CCDC175: variants seen among roughly 807,000 people sequenced by gnomAD.
CCDC175 encodes the protein coiled-coil domain containing 175.
Under a neutral mutation model 114.6 loss-of-function variants are expected in CCDC175, and 100 were observed. The ratio of observed to expected loss-of-function variants is 0.87; its 90% CI spans 0.74 to 1.03. The LOEUF (loss-of-function observed/expected upper bound fraction) is 1.03, where lower values mean the gene tolerates loss of function less well. Among genes scored for constraint, CCDC175 ranks in the 50% least tolerant of loss-of-function variants. The probability of loss-of-function intolerance (pLI) is 0.00; values close to 1 mark genes in which losing one functional copy is unlikely to be tolerated. For missense variants in CCDC175, 880 were observed against 917.8 expected, an observed-to-expected ratio of 0.96 and a Z score of 0.53; for synonymous variants, 306 against 308.7, an observed-to-expected ratio of 0.99 and a Z score of 0.09.
intron 17 of CCDC175, among the ~76,000 whole-genome samples, chr14:59,515,311 T>C (rs1243300836): frequency 6.6e-6 from 1 of 152,160 alleles, no homozygotes; most frequent in Non-Finnish European, 1.5e-5. Flanking sequence ...AATTCACACA[T>C]AACAATATTA....
intron 19 of CCDC175, among the ~76,000 whole-genome samples, chr14:59,506,467 T>TA (rs1661266425): frequency 6.6e-6 from 1 of 151,996 alleles, no homozygotes; most frequent in Non-Finnish European, 1.5e-5. Flanking sequence ...TTTGTATTTG[T>TA]AGTAGAAATG....
intron 16 of CCDC175, 43 bp from the exon 17 acceptor site, chr14:59,521,719 C>T (rs1893438313): frequency 2.7e-6 from 3 of 1,093,350 alleles, no homozygotes; most frequent in Non-Finnish European, 4.0e-6. Flanking sequence ...AGTTTAGTTA[C>T]TATAGATAAA....
chr14:59,561,370 T>C (rs867648821), intron 6 of CCDC175, 142 bp from the exon 7 acceptor site: 56 of 464,928 alleles, frequency 1.2e-4, no homozygotes, highest in African/African-American at 1.0e-3. Flanking sequence ...GCAATCATTA[T>C]AATTGTTTCT....
intron 18 of CCDC175, among the ~76,000 whole-genome samples, chr14:59,511,388 G>A (rs545755490): frequency 2.4e-4 from 36 of 152,144 alleles, no homozygotes; most frequent in Non-Finnish European, 3.5e-4. Flanking sequence ...ATGTTGCACT[G>A]GTAAAACATG....
At chr14:59,564,902 T>C in intron 5 of CCDC175, 145 bp downstream of exon 5, 1 of 632,230 alleles carries the variant, frequency 1.6e-6, no homozygotes, top group Non-Finnish European at 2.7e-6. Flanking sequence ...TCCTTGAGTC[T>C]CCCGCTCATC....
chr14:59,538,878 CA>C lies in CCDC175; in HGVS notation c.1356-39del, dbSNP rs760231643. 4.2e-5 allele frequency: 63 copies of C among 1,497,424 alleles called. No individual in the cohort carries two copies. In the African/African-American group the frequency reaches 8.7e-4, roughly 21 times the overall value. 92.8% of individuals were successfully genotyped at this position (1,497,424 alleles called of 1,614,324 possible). Reference sequence around the variant, plus strand: ...GCAAAAAGAATTGCCATTAAATTGACATAGCAGTTTACTAAAAAGATGAAGA... The same window carrying C: ...GCAAAAAGAATTGCCATTAAATTGACTAGCAGTTTACTAAAAAGATGAAGA... On this transcript the variant is annotated intron_variant, in intron 11 of 19. Coordinates refer to ENST00000537690, the MANE Select transcript of CCDC175 (RefSeq NM_001164399.2).
At chr14:59,530,073 T>C (rs1228431925) in intron 14 of CCDC175, among the ~76,000 whole-genome samples, 1 of 152,002 alleles carries the variant, frequency 6.6e-6, no homozygotes, top group African/African-American at 2.4e-5. Flanking sequence ...GCTGGGAAAG[T>C]AGAAAATTGG....
At chr14:59,548,872 C>A (rs1267477853) in intron 8 of CCDC175, among the ~76,000 whole-genome samples, 2 of 152,078 alleles carry the variant, frequency 1.3e-5, no homozygotes, top group East Asian at 3.9e-4. Flanking sequence ...CCTTTGATAT[C>A]CCTGATGAGC....
At chr14:59,510,551 C>A (rs1326644360) in intron 19 of CCDC175, 95 bp downstream of exon 19, 14 of 1,252,796 alleles carry the variant, frequency 1.1e-5, no homozygotes, top group Non-Finnish European at 1.5e-5. Flanking sequence ...AACTAAGTCA[C>A]TTAGTTGACA....
At chr14:59,528,576 A>G (rs1244822147) in intron 14 of CCDC175, among the ~76,000 whole-genome samples, 2 of 152,066 alleles carry the variant, frequency 1.3e-5, no homozygotes, top group Admixed American at 6.6e-5. Flanking sequence ...CACAACCTCT[A>G]CATTTCATCC....
intron 8 of CCDC175, chr14:59,551,042 A>T (rs1267215002): frequency 5.5e-6 from 1 of 181,610 alleles, no homozygotes; most frequent in Admixed American, 6.2e-5. Flanking sequence ...CAACAGCAAG[A>T]AGATTCTAAC....
intron 6 of CCDC175, 46 bp downstream of exon 6, chr14:59,563,691 G>A: frequency 8.5e-7 from 1 of 1,182,554 alleles, no homozygotes; most frequent in Non-Finnish European, 1.1e-6. Context: ...TTTTATTGAG[G>A]TGCCTAGATA....
intron 1 of CCDC175, among the ~76,000 whole-genome samples, chr14:59,576,349 T>C (rs1048224397): frequency 6.6e-6 from 1 of 152,206 alleles, no homozygotes; most frequent in African/African-American, 2.4e-5. Flanking sequence ...GGGCAGTGGC[T>C]TGGGAGTCCC....
intron 17 of CCDC175, among the ~76,000 whole-genome samples, chr14:59,512,621 C>T (rs1892817157): frequency 6.6e-6 from 1 of 152,072 alleles, no homozygotes; most frequent in African/African-American, 2.4e-5. Flanking sequence ...AATCATTAAG[C>T]CTAAGGGTAG....
chr14:59,543,955 A>G (rs12882301), intron 9 of CCDC175, among the ~76,000 whole-genome samples: 149,084 of 152,318 alleles, frequency 0.98, 73,041 homozygotes, highest in East Asian at 1. Flanking sequence ...ATGTTCTTCC[A>G]TGGAAGGTGA....
At position 59,525,411 on chromosome 14, in the gene CCDC175, T is replaced by C; in HGVS notation, c.1866A>G (p.Gln622=). Residue 622 remains glutamine (Q), a synonymous_variant, in exon 16 of 20, where the codon CAA becomes CAG. Coordinates refer to ENST00000537690, the MANE Select transcript of CCDC175 (RefSeq NM_001164399.2). ...SNMEDVKQEL[Q]QLRDQESKKN... ...TTTTGCTTTCTTGATCTCGTAATTG[T>C]TGTAATTCTTGTTTTACATCTTCCT... The C allele has an allele frequency of 6.6e-7, 1 of 1,513,844 alleles. No homozygotes were observed. Among genetic ancestry groups the C allele is most frequent in the Non-Finnish European group, 8.8e-7 (1 of 1,140,818 alleles). The allele number at this position is 1,513,844 out of a possible 1,614,324, so 93.8% of individuals were successfully genotyped here.
intron 16 of CCDC175, among the ~76,000 whole-genome samples, chr14:59,524,552 T>C (rs1435362719): frequency 2.0e-5 from 3 of 152,162 alleles, no homozygotes; most frequent in Non-Finnish European, 4.4e-5. Context: ...CCCATTAGAA[T>C]GGTTAAATTG....
At chr14:59,525,162 T>G in intron 16 of CCDC175, 120 bp downstream of exon 16, 6 of 740,748 alleles carry the variant, frequency 8.1e-6, no homozygotes, top group Non-Finnish European at 1.2e-5. Context: ...CTTTTCTGTG[T>G]GTACTTTATG....
chr14:59,528,390 A>G (rs1413622976), intron 14 of CCDC175, among the ~76,000 whole-genome samples: 4 of 131,118 alleles, frequency 3.1e-5, no homozygotes, highest in Non-Finnish European at 4.8e-5. Context: ...TATATTCTCT[A>G]GTTATAAGAA....
Sources: gnomAD v4.1 joint callset for allele counts (sites outside exome capture counted in the v4.1 genomes callset) on GRCh38, gnomAD v4.1.1 for gene constraint, MANE v1.5 for transcripts, NCBI Gene and HGNC (gene_info 2026-07-23, HGNC 2026-07-21) for gene names.